Variants in DLGAP1 observed in about 807,000 individuals in gnomAD.
The protein encoded by DLGAP1 is DLG associated protein 1, also known as disks large-associated protein 1.
A neutral mutation model predicts 90.8 loss-of-function variants in DLGAP1; 11 were observed. That is an observed-to-expected ratio of 0.12 (90% CI 0.08 to 0.20). The LOEUF is 0.20. Among genes scored for constraint, DLGAP1 ranks in the 10% least tolerant of loss-of-function variants. The pLI, the probability that DLGAP1 is intolerant of heterozygous loss-of-function variation, is 1.00. For missense variants in DLGAP1, 1,050 were observed against 1,333.8 expected, an observed-to-expected ratio of 0.79 and a Z score of 3.31; for synonymous variants, 558 against 540.7, an observed-to-expected ratio of 1.03 and a Z score of -0.44.
chr18:3,921,878 C>T (rs2072276090), intron 3 of DLGAP1, among the ~76,000 whole-genome samples: 1 of 151,976 alleles, frequency 6.6e-6, no homozygotes, highest in Admixed American at 6.6e-5. Context: ...GCTGTGAGAC[C>T]CAGCAGGAGA....
intron 2 of DLGAP1, among the ~76,000 whole-genome samples, chr18:4,143,242 C>T (rs2076525353): frequency 6.6e-6 from 1 of 152,092 alleles, no homozygotes; most frequent in Non-Finnish European, 1.5e-5. Context: ...GGTCTAGGGA[C>T]ACAATCCAGG....
At chr18:3,724,770 A>C (rs2062100516) in intron 7 of DLGAP1, among the ~76,000 whole-genome samples, 1 of 151,832 alleles carries the variant, frequency 6.6e-6, no homozygotes, top group African/African-American at 2.4e-5. Context: ...AGGCGTGGTG[A>C]TGTGCACCTG....
intron 7 of DLGAP1, among the ~76,000 whole-genome samples, chr18:3,626,246 G>A (rs906563235): frequency 4.0e-5 from 6 of 150,686 alleles, no homozygotes; most frequent in African/African-American, 9.8e-5. Context: ...AGTAGTGATC[G>A]CGCCAGTGCA....
chr18:4,436,929 A>G (rs1004450660), intron 1 of DLGAP1, among the ~76,000 whole-genome samples: 2 of 152,232 alleles, frequency 1.3e-5, no homozygotes, highest in Non-Finnish European at 2.9e-5. Flanking sequence ...GGGTAATATC[A>G]CTGATGATTT....
intron 4 of DLGAP1, among the ~76,000 whole-genome samples, chr18:3,817,269 TA>T (rs1238567341): frequency 3.3e-5 from 5 of 152,206 alleles, no homozygotes; most frequent in Non-Finnish European, 5.9e-5. Context: ...TTTGTTCAGA[TA>T]TTTTTTTCAA....
intron 8 of DLGAP1, among the ~76,000 whole-genome samples, chr18:3,581,076 T>TG (rs1213676863): frequency 6.6e-6 from 1 of 152,218 alleles, no homozygotes; most frequent in Non-Finnish European, 1.5e-5. Context: ...TCAACTAGGC[T>TG]TGAACCCCAC....
Position 4,320,241 on chromosome 18 carries a change from G to C in DLGAP1, c.-267+134765C>G, listed in dbSNP as rs1309203546. Among the ~76,000 whole-genome samples, 6 of 152,166 alleles carry C rather than the reference G, an allele frequency of 3.9e-5. No individual in the cohort carries two copies. The South Asian group carries it at 6.2e-4, about 16-fold the overall frequency. On this transcript the variant is annotated intron_variant, in intron 1 of 12. Coordinates refer to ENST00000315677, the MANE Select transcript of DLGAP1 (RefSeq NM_004746.4). ...CACAGCTGCTTGCGTCATTTTAGCT[G>C]GTGGGCTAAGGGAAGTGACCATAAC...
intron 3 of DLGAP1, among the ~76,000 whole-genome samples, chr18:3,891,497 G>C (rs1246963459): frequency 6.6e-6 from 1 of 152,166 alleles, no homozygotes. Flanking sequence ...TCCTGGTTCT[G>C]TTCCAGCTGC....
At chr18:3,624,991 A>C (rs2058238640) in intron 7 of DLGAP1, among the ~76,000 whole-genome samples, 1 of 152,158 alleles carries the variant, frequency 6.6e-6, no homozygotes, top group Non-Finnish European at 1.5e-5. Context: ...CAATATGCAG[A>C]AGGGAAAAAC....
chr18:3,726,006 G>C (rs914267315), intron 7 of DLGAP1, among the ~76,000 whole-genome samples: 21 of 152,170 alleles, frequency 1.4e-4, no homozygotes, highest in Admixed American at 7.2e-4. Context: ...AATTAAAATG[G>C]GCTGACCCGA....
chr18:3,847,491 G>A (rs1383149578), intron 4 of DLGAP1, among the ~76,000 whole-genome samples: 1 of 151,868 alleles, frequency 6.6e-6, no homozygotes, highest in Non-Finnish European at 1.5e-5. Context: ...AGAAGAGGAA[G>A]AAGAGAATAA....
intron 5 of DLGAP1, among the ~76,000 whole-genome samples, chr18:3,806,622 C>T (rs1248160198): frequency 1.3e-5 from 2 of 152,194 alleles, no homozygotes; most frequent in African/African-American, 2.4e-5. Flanking sequence ...GTTGTCTGCA[C>T]TTTAACGGGA....
intron 2 of DLGAP1, among the ~76,000 whole-genome samples, chr18:4,086,396 T>C (rs747201096): frequency 2.0e-5 from 3 of 152,226 alleles, no homozygotes; most frequent in African/African-American, 4.8e-5. Flanking sequence ...TTACTTTAGC[T>C]AACTAAGTTG....
Position 3,736,947 on chromosome 18 carries a change from C to T in DLGAP1, c.1350+5388G>A, listed in dbSNP as rs1300325781. Among the ~76,000 whole-genome samples the T allele has an allele frequency of 7.4e-5, 11 of 149,266 alleles. No homozygotes were observed. In the South Asian group the frequency reaches 8.8e-4, roughly 12 times the overall value. On this transcript the variant is annotated intron_variant, in intron 6 of 12. Transcript: ENST00000315677. The stretch of plus-strand genomic sequence containing the variant: ...AAAATGATAAAGGGGATATCACCAC[C>T]GATCCCACAGAAATACAAACTACCA...
intron 8 of DLGAP1, among the ~76,000 whole-genome samples, chr18:3,568,592 TAGAAAG>T (rs1166347658): frequency 1.3e-5 from 2 of 152,126 alleles, no homozygotes; most frequent in Non-Finnish European, 2.9e-5. Flanking sequence ...ATATATAATG[TAGAAAG>T]AGAAAGTCTC....
chr18:4,438,326 G>A (rs144594538), intron 1 of DLGAP1, among the ~76,000 whole-genome samples: 46 of 146,536 alleles, frequency 3.1e-4, no homozygotes, highest in African/African-American at 1.0e-3. Context: ...AAATTATCTG[G>A]CTATGCCACA....
intron 5 of DLGAP1, among the ~76,000 whole-genome samples, chr18:3,760,468 A>T (rs890844539): frequency 6.6e-6 from 1 of 152,146 alleles, no homozygotes; most frequent in Non-Finnish European, 1.5e-5. Flanking sequence ...TTAATACTTC[A>T]ATGTGCCTAG....
chr18:3,853,472 C>T (rs1396792998), intron 4 of DLGAP1, among the ~76,000 whole-genome samples: 1 of 151,644 alleles, frequency 6.6e-6, no homozygotes, highest in South Asian at 2.1e-4. Context: ...TAATTGCCTA[C>T]AGTATTCAGC....
intron 10 of DLGAP1, among the ~76,000 whole-genome samples, chr18:3,523,633 G>C (rs979558738): frequency 2.6e-5 from 4 of 151,692 alleles, no homozygotes; most frequent in African/African-American, 9.7e-5. Flanking sequence ...GGATCACGAG[G>C]TCAGGAGATC....
Sources: allele counts gnomAD v4.1 joint callset (sites outside exome capture counted in the v4.1 genomes callset), GRCh38; gene constraint gnomAD v4.1.1; transcripts MANE v1.5; gene names NCBI Gene and HGNC (gene_info 2026-07-23, HGNC 2026-07-21).